IPO9: variants seen among roughly 807,000 people sequenced by gnomAD.
IPO9 encodes importin 9.
Under a neutral mutation model 128.6 loss-of-function variants are expected in IPO9, and 28 were observed. The observed-to-expected ratio is 0.22, with a 90% CI of 0.16 to 0.30. The LOEUF is 0.30. Ranked by LOEUF, IPO9 falls within the 10% of genes least tolerant of loss-of-function variation. The pLI is 1.00. For missense variants in IPO9, 935 were observed against 1,293.9 expected (o/e 0.72, Z 4.26); for synonymous variants, 455 against 475.8 (o/e 0.96, Z 0.57).
rs868228161 is a variant in IPO9 at position 201,847,335 on chromosome 1, C to T, written c.220C>T (p.Arg74Cys). 1 of 1,613,618 alleles carries T rather than the reference C, an allele frequency of 6.2e-7. No homozygotes were observed. The highest frequency in any genetic ancestry group is 8.5e-7 in the Non-Finnish European group (1 of 1,179,646). Residue 74 changes from arginine to cysteine, a missense_variant, in exon 2 of 24, where the codon CGT (arginine) becomes TGT (cysteine). Coordinates refer to ENST00000361565, the MANE Select transcript of IPO9 (RefSeq NM_018085.5). The stretch of plus-strand genomic sequence containing the variant: ...AGATCCCCAGGGGGCACTGGCAATC[C>T]GTCAGGTAAGTCCAGACTGGCCCAA... ...TVDPQGALAI[R>C]QLASVILKQY...
At chr1:201,846,396 G>A (rs1488387259) in intron 1 of IPO9, among the ~76,000 whole-genome samples, 2 of 152,128 alleles carry the variant, frequency 1.3e-5, no homozygotes, top group Non-Finnish European at 1.5e-5. Context: ...TTTTTGAGAC[G>A]GAGTCTCGCT....
intron 1 of IPO9, among the ~76,000 whole-genome samples, chr1:201,834,159 A>C (rs183266173): frequency 6.7e-6 from 1 of 149,226 alleles, no homozygotes; most frequent in African/African-American, 2.5e-5. Flanking sequence ...GGTAAAAAAA[A>C]TTTTTTTTAA....
chr1:201,859,712 C>A (rs1358490988), intron 13 of IPO9, among the ~76,000 whole-genome samples: 1 of 152,170 alleles, frequency 6.6e-6, no homozygotes, highest in African/African-American at 2.4e-5. Context: ...CTAATCCCAG[C>A]ACTTTGGGAG....
chr1:201,845,013 A>AT (rs1215389438), intron 1 of IPO9, among the ~76,000 whole-genome samples: 3 of 136,786 alleles, frequency 2.2e-5, no homozygotes, highest in Non-Finnish European at 3.3e-5. Context: ...TGATACCAGT[A>AT]TTTTTTTTGG....
At chr1:201,868,835 G>C (rs762374107) in intron 16 of IPO9, 39 bp downstream of exon 16, 14 of 1,542,382 alleles carry the variant, frequency 9.1e-6, no homozygotes, top group Non-Finnish European at 1.2e-5. Flanking sequence ...GTGTGAGAGA[G>C]ATCTACAAGT....
At chr1:201,838,979 G>A (rs1290153083) in intron 1 of IPO9, among the ~76,000 whole-genome samples, 1 of 151,384 alleles carries the variant, frequency 6.6e-6, no homozygotes, top group Non-Finnish European at 1.5e-5. Flanking sequence ...GAGTGCAGTG[G>A]CATGATCTTG....
intron 1 of IPO9, among the ~76,000 whole-genome samples, chr1:201,841,866 G>T (rs540682432): frequency 2.0e-5 from 3 of 152,272 alleles, no homozygotes; most frequent in Middle Eastern, 3.4e-3. Flanking sequence ...GTTCATATAG[G>T]TATAAATAAA....
In IPO9 at chr1:201,876,305, G is replaced by A. The variant is rs41303251; in HGVS notation, c.*251G>A. ...CATCTCTAGAACCTTTTTTCTCCCC[G>A]ACTCTACCCCCACCTCTGTTCCTAG... On this transcript the variant is annotated 3_prime_UTR_variant, in exon 24 of 24. Coordinates refer to ENST00000361565, the MANE Select transcript of IPO9 (RefSeq NM_018085.5). 3,689 of 604,180 alleles carry A rather than the reference G, an allele frequency of 6.1e-3. 24 individuals are homozygous for A. Among genetic ancestry groups the A allele is most frequent in the Admixed American group, 8.5e-3 (373 of 44,092 alleles). 37.4% of individuals were successfully genotyped at this position (604,180 alleles called of 1,614,324 possible).
At chr1:201,872,101 T>C (rs1680663735) in intron 19 of IPO9, among the ~76,000 whole-genome samples, 1 of 151,988 alleles carries the variant, frequency 6.6e-6, no homozygotes, top group South Asian at 2.1e-4. Context: ...TGGATGTGGT[T>C]GTGGGTGCCT....
intron 23 of IPO9, 112 bp downstream of exon 23, chr1:201,875,340 A>G (rs1680742338): frequency 1.0e-6 from 1 of 973,854 alleles, no homozygotes; most frequent in African/African-American, 1.6e-5. Context: ...CTGTAATCCC[A>G]ACACTTTGGG....
At chr1:201,874,182 A>T in intron 20 of IPO9, 68 bp from the exon 21 acceptor site, 1 of 1,564,478 alleles carries the variant, frequency 6.4e-7, no homozygotes, top group Non-Finnish European at 8.7e-7. Flanking sequence ...CACTGAGGAG[A>T]GGACAGGGGT....
chr1:201,843,664 C>T (rs921462005), intron 1 of IPO9, among the ~76,000 whole-genome samples: 15 of 151,994 alleles, frequency 9.9e-5, no homozygotes, highest in African/African-American at 3.1e-4. Flanking sequence ...CCAGTCTCTA[C>T]GAAAAATACA....
chr1:201,837,503 C>G (rs893464075), intron 1 of IPO9, among the ~76,000 whole-genome samples: 3 of 152,046 alleles, frequency 2.0e-5, no homozygotes, highest in Non-Finnish European at 4.4e-5. Context: ...GAGCTGTGAG[C>G]CTCAGTATTA....
At chr1:201,852,986 T>C in intron 5 of IPO9, 25 bp from the exon 6 acceptor site, 1 of 1,597,516 alleles carries the variant, frequency 6.3e-7, no homozygotes, top group African/African-American at 1.3e-5. Flanking sequence ...GTGGCTATGC[T>C]GTTATGCTGT....
At chr1:201,865,398 G>A (rs1306254929) in intron 14 of IPO9, among the ~76,000 whole-genome samples, 1 of 151,918 alleles carries the variant, frequency 6.6e-6, no homozygotes, top group East Asian at 1.9e-4. Context: ...AGTAGAGACA[G>A]GGTTTTTCCA....
intron 1 of IPO9, among the ~76,000 whole-genome samples, chr1:201,837,123 T>C (rs1679956595): frequency 6.6e-6 from 1 of 152,230 alleles, no homozygotes; most frequent in Non-Finnish European, 1.5e-5. Flanking sequence ...AATCTTCTGA[T>C]GATCTCTTAT....
chr1:201,859,550 A>G (rs1571549946), intron 13 of IPO9, among the ~76,000 whole-genome samples: 1 of 152,170 alleles, frequency 6.6e-6, no homozygotes, highest in East Asian at 1.9e-4. Context: ...GGCATTCTGT[A>G]TCAGGCACAT....
rs1262923309 is a variant in IPO9, at chr1:201,855,158, G to C, written c.946G>C (p.Val316Leu). The change falls in exon 9 of 24, where the codon GTA becomes CTA. Residue 316 changes from valine to leucine, a missense_variant. Physicochemically the swap from Val to Leu is conservative, Grantham distance 32 (BLOSUM62 1). Coordinates refer to ENST00000361565, the MANE Select transcript of IPO9 (RefSeq NM_018085.5). ...VRTEVNYTEE[V>L]EDPVDSDGEV... ...GACAGAAGTAAATTACACAGAAGAA[G>C]TAGAAGATCCTGTGGATTCTGATGG... 6.3e-7 allele frequency: 1 copy of C among 1,597,762 alleles called. No homozygotes were observed. The highest frequency in any genetic ancestry group is 1.7e-5 in the Admixed American group (1 of 59,792).
intron 10 of IPO9, 44 bp downstream of exon 10, chr1:201,855,978 G>A: frequency 6.8e-7 from 1 of 1,479,670 alleles, no homozygotes; most frequent in Non-Finnish European, 9.1e-7. Context: ...TATTTGGAAA[G>A]TGCAACTTGA....
Sources: allele counts gnomAD v4.1 joint callset (sites outside exome capture counted in the v4.1 genomes callset), GRCh38; gene constraint gnomAD v4.1.1; transcripts MANE v1.5; gene names NCBI Gene and HGNC (gene_info 2026-07-23, HGNC 2026-07-21).